PADI6: variants seen among roughly 807,000 people sequenced by gnomAD.
PADI6 encodes the protein peptidyl arginine deiminase 6, also known as inactive protein-arginine deiminase type-6.
A neutral mutation model predicts 78.2 loss-of-function variants in PADI6; 66 were observed. That is an observed-to-expected ratio of 0.84 (90% CI 0.69 to 1.04). The LOEUF is 1.04. Among genes scored for constraint, PADI6 ranks in the 50% least tolerant of loss-of-function variants. PADI6 has a pLI of 0.00. For synonymous variants in PADI6, 397 were observed against 346.9 expected (o/e 1.14, Z -1.60); for missense variants, 854 against 866.1 (o/e 0.99, Z 0.18).
At position 17,382,041 on chromosome 1, in the gene PADI6, C is replaced by A; in HGVS notation, c.628C>A (p.Leu210Ile). The A allele has an allele frequency of 6.2e-7, 1 of 1,613,958 alleles. No homozygotes were observed. Among genetic ancestry groups the A allele is most frequent in the Non-Finnish European group, 8.5e-7 (1 of 1,179,842 alleles). Residue 210 changes from leucine to isoleucine, a missense_variant, in exon 6 of 16, where the codon CTC (leucine) becomes ATC (isoleucine). Physicochemically the swap from Leu to Ile is conservative, Grantham distance 5. Transcript: ENST00000619609. ...TATCTTAAAGAAATATCGGCTAGTC[C>A]TCCATACCTCCAAGGAAGAGTCGAA... ...SCILKKYRLV[L>I]HTSKEESKKA... is the part of the protein sequence containing the mutation.
intron 3 of PADI6, among the ~76,000 whole-genome samples, chr1:17,375,860 T>A (rs904599639): frequency 1.3e-5 from 2 of 152,174 alleles, no homozygotes; most frequent in Non-Finnish European, 2.9e-5. Flanking sequence ...TCTCACTAGA[T>A]CCTTTCTTAT....
chr1:17,396,326 C>T (rs542989608), intron 13 of PADI6, among the ~76,000 whole-genome samples: 5 of 152,244 alleles, frequency 3.3e-5, no homozygotes, highest in South Asian at 4.2e-4. Context: ...GTGGAGGTTG[C>T]GGTGAGCTAA....
Position 17,380,110 on chromosome 1 carries a change from T to C in PADI6, c.435+123T>C, listed in dbSNP as rs2075058240. 4.4e-6 allele frequency: 4 copies of C among 912,354 alleles called. No individual in the cohort carries two copies. In the African/African-American group the frequency reaches 4.9e-5, roughly 11 times the overall value. The allele number at this position is 912,354 out of a possible 1,614,324, so 56.5% of individuals were successfully genotyped here. On this transcript the variant is annotated intron_variant, in intron 4 of 15. Coordinates refer to ENST00000619609, the MANE Select transcript of PADI6 (RefSeq NM_207421.4). The stretch of plus-strand genomic sequence containing the variant: ...GCTGTGACATTGCTGAAGGATTAGA[T>C]ACGTGGAGGGGAGGGGTAAACCAAA...
At chr1:17,382,472 A>G (rs966815917) in intron 6 of PADI6, among the ~76,000 whole-genome samples, 2 of 152,178 alleles carry the variant, frequency 1.3e-5, no homozygotes, top group African/African-American at 2.4e-5. Context: ...CTCTAAACCA[A>G]TGATCCACTA....
intron 15 of PADI6, 97 bp from the exon 16 acceptor site, chr1:17,401,108 C>G: frequency 8.8e-7 from 1 of 1,141,032 alleles, no homozygotes; most frequent in Non-Finnish European, 1.3e-6. Flanking sequence ...GGCTGCCTGC[C>G]TGCTACGCCT....
chr1:17,396,546 T>TA (rs1478923190), intron 13 of PADI6, among the ~76,000 whole-genome samples: 1 of 152,082 alleles, frequency 6.6e-6, no homozygotes, highest in African/African-American at 2.4e-5. Flanking sequence ...TACTCAGCCT[T>TA]TGGGGTTGGG....
chr1:17,384,748 G>T (rs2100301664), intron 6 of PADI6, among the ~76,000 whole-genome samples: 1 of 152,336 alleles, frequency 6.6e-6, no homozygotes, highest in East Asian at 1.9e-4. Context: ...CCTGGCAAAT[G>T]CTGTGGGATA....
intron 3 of PADI6, among the ~76,000 whole-genome samples, chr1:17,379,368 C>A (rs1296408687): frequency 6.9e-6 from 1 of 144,092 alleles, no homozygotes; most frequent in African/African-American, 2.9e-5. Context: ...CCCGCCTCGG[C>A]CTCCCAAAGT....
intron 13 of PADI6, among the ~76,000 whole-genome samples, chr1:17,396,485 T>C (rs2075248591): frequency 6.6e-6 from 1 of 152,174 alleles, no homozygotes; most frequent in Non-Finnish European, 1.5e-5. Context: ...CCAGCGCACC[T>C]GGGAGCTTGT....
Position 17,391,992 on chromosome 1 carries a change from C to T in PADI6, c.963-122C>T, listed in dbSNP as rs148052213. 1.3e-3 allele frequency: 1,017 copies of T among 770,980 alleles called. 4 individuals are homozygous for T. The highest frequency in any genetic ancestry group is 4.6e-3 in the South Asian group (258 of 56,294). The allele number at this position is 770,980 out of a possible 1,614,324, so 47.8% of individuals were successfully genotyped here. On this transcript the variant is annotated intron_variant, in intron 8 of 15. Coordinates refer to ENST00000619609, the MANE Select transcript of PADI6 (RefSeq NM_207421.4). ...AGGGATGGTTGCTCTGTCGACCTCA[C>T]GGGCAGGGATGTAACCTCTCCTGGT...
chr1:17,395,433 A>C, intron 12 of PADI6, 107 bp from the exon 13 acceptor site: 5 of 1,388,658 alleles, frequency 3.6e-6, no homozygotes, highest in Non-Finnish European at 4.8e-6. Flanking sequence ...CGAACTTCTG[A>C]CCTCAGAGGA....
In PADI6 at chr1:17,372,370, C is replaced by A; in HGVS notation, c.116+9C>A. 6.2e-7 allele frequency: 1 copy of A among 1,613,032 alleles called. No homozygotes were observed. The highest frequency in any genetic ancestry group is 8.5e-7 in the Non-Finnish European group (1 of 1,179,084). On this transcript the variant is annotated intron_variant, in intron 1 of 15. Transcript: ENST00000619609. Reference sequence around the variant, plus strand: ...TGCTTGGATCTCAGCGGGTGAGATGCTGGGAGCTCTGCCAGAGGTGGCAGG... The same window carrying A: ...TGCTTGGATCTCAGCGGGTGAGATGATGGGAGCTCTGCCAGAGGTGGCAGG...
intron 8 of PADI6, among the ~76,000 whole-genome samples, chr1:17,390,444 A>G (rs1425030583): frequency 6.6e-6 from 1 of 152,106 alleles, no homozygotes; most frequent in Admixed American, 6.6e-5. Context: ...TACTAAAAAT[A>G]CAAAAAACAA....
At chr1:17,394,211 TCTAC>T (rs2075222627) in intron 10 of PADI6, 85 bp from the exon 11 acceptor site, 1 of 1,567,254 alleles carries the variant, frequency 6.4e-7, no homozygotes, top group African/African-American at 1.4e-5. Flanking sequence ...GACGTGGAAG[TCTAC>T]CTGAGAGCCT....
At chr1:17,395,267 G>A (rs2526835) in intron 12 of PADI6, among the ~76,000 whole-genome samples, 160 bp downstream of exon 12, 55 of 150,792 alleles carry the variant, frequency 3.6e-4, no homozygotes, top group African/African-American at 1.2e-3. Flanking sequence ...GCAGTGGCGT[G>A]ATCTCCGCTC....
At chr1:17,394,238 A>T in intron 10 of PADI6, 62 bp from the exon 11 acceptor site, 1 of 1,590,804 alleles carries the variant, frequency 6.3e-7, no homozygotes, top group South Asian at 1.1e-5. Context: ...ATTTAGGGAT[A>T]AGACTGGGGC....
At chr1:17,374,161 A>G (rs1002778633) in intron 2 of PADI6, among the ~76,000 whole-genome samples, 1 of 152,070 alleles carries the variant, frequency 6.6e-6, no homozygotes, top group East Asian at 1.9e-4. Flanking sequence ...GCTGGGGGTG[A>G]GAACCATGAT....
chr1:17,381,839 C>T (rs1397018009), intron 5 of PADI6, 128 bp from the exon 6 acceptor site: 15 of 1,089,332 alleles, frequency 1.4e-5, no homozygotes, highest in Non-Finnish European at 2.0e-5. Context: ...CGGGCCTGGG[C>T]CCTAGCAAAA....
Position 17,381,260 on chromosome 1 carries a change from C to T in PADI6, c.553+96C>T, listed in dbSNP as rs2075070286. The T allele has an allele frequency of 6.1e-6, 6 of 978,864 alleles. No individual in the cohort carries two copies. In the South Asian group the frequency reaches 8.0e-5, roughly 13 times the overall value. The allele number at this position is 978,864 out of a possible 1,614,324, so 60.6% of individuals were successfully genotyped here. A position where few individuals can be genotyped will look rare whatever the true frequency, so the allele number is the denominator to read the frequency against. On this transcript the variant is annotated intron_variant, in intron 5 of 15. Coordinates refer to ENST00000619609, the MANE Select transcript of PADI6 (RefSeq NM_207421.4). ...CCAGACTAATTTTCTCCACCCCACC[C>T]CCGACACCCTCTTCCCCAGTCCCCA...
Sources: gnomAD v4.1 joint callset for allele counts (sites outside exome capture counted in the v4.1 genomes callset) on GRCh38, gnomAD v4.1.1 for gene constraint, MANE v1.5 for transcripts, NCBI Gene and HGNC (gene_info 2026-07-23, HGNC 2026-07-21) for gene names.